The following CPM variants were observed in gnomAD, a reference collection of about 807,000 sequenced individuals.
CPM encodes renal carboxypeptidase.
In CPM, 35 loss-of-function variants were observed where a neutral mutation model predicts 46.4. The observed-to-expected ratio is 0.75, with a 90% CI of 0.58 to 1.00. The LOEUF (loss-of-function observed/expected upper bound fraction) is 1.00, where lower values mean the gene tolerates loss of function less well. Among genes scored for constraint, CPM ranks in the 50% least tolerant of loss-of-function variants. CPM has a pLI of 0.00. For missense variants in CPM, 422 were observed against 530.4 expected (o/e 0.80, Z 2.01); for synonymous variants, 195 against 195.3 (o/e 1.00, Z 0.01).
intron 2 of CPM, among the ~76,000 whole-genome samples, chr12:68,911,530 AG>A (rs1887594494): frequency 6.6e-6 from 1 of 152,150 alleles, no homozygotes; most frequent in Non-Finnish European, 1.5e-5. Flanking sequence ...GAGATACAGC[AG>A]GAACATTGCC....
intron 7 of CPM, among the ~76,000 whole-genome samples, chr12:68,863,244 G>A (rs1885287113): frequency 1.3e-5 from 2 of 152,174 alleles, no homozygotes; most frequent in Non-Finnish European, 2.9e-5. Flanking sequence ...TCTGGATGCT[G>A]TGAGCCATTC....
At chr12:68,900,681 A>G (rs1403587915) in intron 2 of CPM, among the ~76,000 whole-genome samples, 1 of 152,214 alleles carries the variant, frequency 6.6e-6, no homozygotes, top group African/African-American at 2.4e-5. Flanking sequence ...AGACAATGGA[A>G]TACGAGTCAG....
chr12:68,858,723 A>G (rs1885078855), intron 8 of CPM, among the ~76,000 whole-genome samples, 200 bp downstream of exon 8: 2 of 140,162 alleles, frequency 1.4e-5, no homozygotes, highest in Non-Finnish European at 3.0e-5. Context: ...AAAAAATATG[A>G]ATTTTTGTGG....
upstream of CPM, among the ~76,000 whole-genome samples, chr12:68,936,489 TTC>T (rs2136328035): frequency 6.6e-6 from 1 of 152,270 alleles, no homozygotes; most frequent in Admixed American, 6.5e-5. Flanking sequence ...GTTCAAGCAA[TTC>T]TCCTTCCTCA....
chr12:68,958,590 A>G (rs989726246), intron 1 of CPM, among the ~76,000 whole-genome samples: 1 of 152,052 alleles, frequency 6.6e-6, no homozygotes, highest in African/African-American at 2.4e-5. Flanking sequence ...GCTGTTTGTG[A>G]CACCTCCACT....
At chr12:68,951,079 A>G (rs1473611939) in intron 1 of CPM, among the ~76,000 whole-genome samples, 1 of 152,244 alleles carries the variant, frequency 6.6e-6, no homozygotes, top group Non-Finnish European at 1.5e-5. Flanking sequence ...ACATGGAATG[A>G]AACATATGGA....
intron 1 of CPM, among the ~76,000 whole-genome samples, chr12:68,943,880 T>TA (rs538255725): frequency 1.9e-4 from 29 of 151,756 alleles, no homozygotes; most frequent in Middle Eastern, 3.4e-3. Flanking sequence ...TTTTTTTTTT[T>TA]AAAAACTGTA....
intron 7 of CPM, among the ~76,000 whole-genome samples, chr12:68,859,362 A>G (rs1408779196): frequency 1.3e-5 from 2 of 152,198 alleles, no homozygotes; most frequent in African/African-American, 2.4e-5. Flanking sequence ...CATTCCTGTC[A>G]CTTCCAAGTT....
chr12:68,865,180 G>A (rs1234071590), intron 7 of CPM, among the ~76,000 whole-genome samples: 1 of 152,258 alleles, frequency 6.6e-6, no homozygotes, highest in East Asian at 1.9e-4. Flanking sequence ...CCAAGACAAC[G>A]TTTGATGACA....
chr12:68,908,868 A>G (rs949557348), intron 2 of CPM, among the ~76,000 whole-genome samples: 4 of 152,212 alleles, frequency 2.6e-5, no homozygotes, highest in African/African-American at 9.7e-5. Flanking sequence ...AATATTTGCC[A>G]CACACATAAC....
chr12:68,846,713 G>T (rs189288622), downstream of CPM: 1 of 152,290 alleles, frequency 6.6e-6, no homozygotes, highest in Admixed American at 6.5e-5. Context: ...AGAACACTAT[G>T]AAATGGGTGC....
intron 1 of CPM, among the ~76,000 whole-genome samples, chr12:68,960,122 T>C (rs1592718194): frequency 6.6e-6 from 1 of 152,342 alleles, no homozygotes; most frequent in Non-Finnish European, 1.5e-5. Flanking sequence ...CTGATAGGTG[T>C]TGGCCTTGTA....
At chr12:68,937,030 A>G (rs1323640502), upstream of CPM, among the ~76,000 whole-genome samples, 4 of 152,370 alleles carry the variant, frequency 2.6e-5, no homozygotes, top group East Asian at 5.8e-4. Context: ...GCAAGATTAA[A>G]AAGATTGACA....
upstream of CPM, among the ~76,000 whole-genome samples, chr12:68,935,194 GC>G (rs1209015597): frequency 6.6e-6 from 1 of 152,004 alleles, no homozygotes; most frequent in Non-Finnish European, 1.5e-5. Flanking sequence ...ACAGGCGTGA[GC>G]CACCGTGCCT....
intron 2 of CPM, among the ~76,000 whole-genome samples, chr12:68,916,169 A>T (rs569910340): frequency 6.6e-6 from 1 of 152,196 alleles, no homozygotes; most frequent in Admixed American, 6.5e-5. Context: ...ATTATGTTTA[A>T]ATCTAGGTAT....
chr12:68,946,795 T>G (rs1268888002), intron 1 of CPM, among the ~76,000 whole-genome samples: 2 of 152,190 alleles, frequency 1.3e-5, no homozygotes, highest in Non-Finnish European at 2.9e-5. Context: ...TAGACATAGT[T>G]TCCAAATTAC....
chr12:68,896,781 A>G (rs1448395972), intron 2 of CPM, among the ~76,000 whole-genome samples: 1 of 152,186 alleles, frequency 6.6e-6, no homozygotes, highest in African/African-American at 2.4e-5. Flanking sequence ...GTTCATCCCC[A>G]TAGTATTAAA....
intron 3 of CPM, among the ~76,000 whole-genome samples, chr12:68,876,467 T>C (rs551717646): frequency 2.9e-4 from 44 of 152,360 alleles, no homozygotes; most frequent in South Asian, 1.4e-3. Context: ...CCTCCCTTCA[T>C]TGAAAATTAA....
chr12:68,868,097 C>G (rs1411206809), intron 6 of CPM, among the ~76,000 whole-genome samples: 1 of 152,208 alleles, frequency 6.6e-6, no homozygotes, highest in Non-Finnish European at 1.5e-5. Flanking sequence ...AGCTAATTTC[C>G]TACACATCTG....
Sources: gnomAD v4.1 joint callset for allele counts (sites outside exome capture counted in the v4.1 genomes callset) on GRCh38, gnomAD v4.1.1 for gene constraint, MANE v1.5 for transcripts, NCBI Gene and HGNC (gene_info 2026-07-23, HGNC 2026-07-21) for gene names.